The following PIK3C2G variants were observed in gnomAD, a reference collection of about 807,000 sequenced individuals.
PIK3C2G encodes phosphatidylinositol-4-phosphate 3-kinase catalytic subunit type 2 gamma, also known as phosphatidylinositol 3-kinase C2 domain-containing subunit gamma.
PIK3C2G carries 168 observed loss-of-function variants against 181.1 expected under a neutral mutation model. The observed-to-expected ratio is 0.93, with a 90% CI of 0.82 to 1.05. The LOEUF is 1.05. Among genes scored for constraint, PIK3C2G ranks in the 50% least tolerant of loss-of-function variants. PIK3C2G has a pLI of 0.00. For missense variants in PIK3C2G, 1,869 were observed against 1,732.8 expected, an observed-to-expected ratio of 1.08 and a Z score of -1.40; for synonymous variants, 573 against 592.2, an observed-to-expected ratio of 0.97 and a Z score of 0.47.
chr12:18,390,420 T>C (rs1002471057), intron 14 of PIK3C2G, among the ~76,000 whole-genome samples: 5 of 152,152 alleles, frequency 3.3e-5, no homozygotes, highest in African/African-American at 1.2e-4. Flanking sequence ...CTTATTTACA[T>C]AGCCTGGAAC....
intron 10 of PIK3C2G, among the ~76,000 whole-genome samples, chr12:18,344,119 C>G (rs561619641): frequency 6.6e-6 from 1 of 152,044 alleles, no homozygotes; most frequent in Non-Finnish European, 1.5e-5. Flanking sequence ...TGGTCAGGAT[C>G]GTTCTTGGTT....
chr12:18,700,859 T>C, the PIK3C2G span, among the ~76,000 whole-genome samples: 9 of 152,214 alleles, frequency 5.9e-5, no homozygotes, highest in African/African-American at 1.9e-4. Flanking sequence ...TTATGTATTA[T>C]TAATATTGAA....
At chr12:18,392,910 T>C (rs951445060) in intron 15 of PIK3C2G, among the ~76,000 whole-genome samples, 1 of 152,078 alleles carries the variant, frequency 6.6e-6, no homozygotes, top group Admixed American at 6.6e-5. Flanking sequence ...TCTCATAGTC[T>C]TCATGACACA....
At chr12:18,590,521 A>G (rs1947023029) in intron 29 of PIK3C2G, among the ~76,000 whole-genome samples, 1 of 151,918 alleles carries the variant, frequency 6.6e-6, no homozygotes, top group Admixed American at 6.6e-5. Flanking sequence ...GCGGTATCCA[A>G]CCTACACTAC....
intron 18 of PIK3C2G, among the ~76,000 whole-genome samples, chr12:18,435,780 T>G (rs1469348901): frequency 6.6e-6 from 1 of 152,198 alleles, no homozygotes; most frequent in Admixed American, 6.5e-5. Flanking sequence ...TGTTCCCTTG[T>G]CTGTCTATAT....
intron 29 of PIK3C2G, among the ~76,000 whole-genome samples, chr12:18,588,239 A>C (rs116259910): frequency 1.3e-5 from 2 of 152,310 alleles, no homozygotes; most frequent in African/African-American, 4.8e-5. Flanking sequence ...TCAAAAGGAA[A>C]AATTGAGAAA....
chr12:18,561,275 G>A (rs757108573), intron 26 of PIK3C2G, among the ~76,000 whole-genome samples: 11 of 152,042 alleles, frequency 7.2e-5, no homozygotes, highest in Non-Finnish European at 1.0e-4. Context: ...TGTACTATAC[G>A]GTACAGTTCA....
chr12:18,256,860 T>C (rs1404671603), upstream of PIK3C2G, among the ~76,000 whole-genome samples: 5 of 152,080 alleles, frequency 3.3e-5, no homozygotes, highest in Admixed American at 3.3e-4. Context: ...TCATGTTTCA[T>C]TTAAGATTAG....
chr12:18,451,475 G>A (rs1947357358), intron 18 of PIK3C2G, among the ~76,000 whole-genome samples: 1 of 152,070 alleles, frequency 6.6e-6, no homozygotes, highest in Admixed American at 6.6e-5. Context: ...GAAGTTTTTG[G>A]GCTCACACAA....
intron 14 of PIK3C2G, among the ~76,000 whole-genome samples, chr12:18,386,520 A>G (rs191874231): frequency 1.3e-5 from 2 of 152,330 alleles, no homozygotes; most frequent in South Asian, 2.1e-4. Context: ...CATTTCATTT[A>G]AATGGAATCA....
chr12:18,274,363 T>C (rs1471722377), intron 1 of PIK3C2G, among the ~76,000 whole-genome samples: 1 of 152,220 alleles, frequency 6.6e-6, no homozygotes, highest in Non-Finnish European at 1.5e-5. Context: ...TGTATGTTTA[T>C]TGCGGCACTA....
At chr12:18,264,024 A>C (rs997573133) in intron 1 of PIK3C2G, among the ~76,000 whole-genome samples, 2 of 152,126 alleles carry the variant, frequency 1.3e-5, no homozygotes, top group Non-Finnish European at 2.9e-5. Flanking sequence ...CTTCTCACTT[A>C]CGGAACTTCT....
At chr12:18,710,261 A>AT in the PIK3C2G span, among the ~76,000 whole-genome samples, 2 of 149,408 alleles carry the variant, frequency 1.3e-5, no homozygotes, top group East Asian at 2.0e-4. Flanking sequence ...GACTGTCACT[A>AT]TTTTTTTTAA....
chr12:18,563,403 C>A lies in PIK3C2G; in HGVS notation c.3807C>A (p.Ser1269Arg), dbSNP rs780066063. ...TGTATCTGATCCAGGTGACACACAGCAACAACGAAACAAGCCTGACAGAAA... is the reference window on the plus strand; with the variant it reads ...TGTATCTGATCCAGGTGACACACAGAAACAACGAAACAAGCCTGACAGAAA... ...SNLYLIQVTH[S>R]NNETSLTEKS... is the part of the protein sequence containing the mutation. The change falls in exon 28 of 33, where the codon AGC (serine) becomes AGA (arginine). Residue 1269 changes from serine (S) to arginine (R), a missense_variant. By Grantham distance (110) the Ser-to-Arg change is moderately radical. Coordinates refer to ENST00000538779, the MANE Select transcript of PIK3C2G (RefSeq NM_001288772.2). 6.2e-7 allele frequency: 1 copy of A among 1,612,886 alleles called. No homozygotes were observed. The highest frequency in any genetic ancestry group is 1.1e-5 in the South Asian group (1 of 90,900).
At chr12:18,328,844 A>T (rs1591969066) in intron 8 of PIK3C2G, among the ~76,000 whole-genome samples, 2 of 152,072 alleles carry the variant, frequency 1.3e-5, no homozygotes, top group East Asian at 3.9e-4. Context: ...CCAGAAGAAA[A>T]TTTTCACAAA....
At chr12:18,532,547 G>A (rs115807718) in intron 24 of PIK3C2G, among the ~76,000 whole-genome samples, 1 of 150,976 alleles carries the variant, frequency 6.6e-6, no homozygotes, top group Non-Finnish European at 1.5e-5. Context: ...GTGTCTAATT[G>A]TTCCAGTATC....
intron 5 of PIK3C2G, among the ~76,000 whole-genome samples, chr12:18,309,506 C>T (rs1950554057): frequency 6.6e-6 from 1 of 151,712 alleles, no homozygotes; most frequent in African/African-American, 2.4e-5. Context: ...CCACAGTTTG[C>T]CTGTAATTCT....
intron 24 of PIK3C2G, among the ~76,000 whole-genome samples, chr12:18,516,720 C>T (rs1048809487): frequency 2.0e-5 from 3 of 151,896 alleles, no homozygotes; most frequent in African/African-American, 2.4e-5. Flanking sequence ...AGCTCACTGA[C>T]TTTTGTGTGA....
the PIK3C2G span, among the ~76,000 whole-genome samples, chr12:18,710,311 T>C: frequency 6.6e-6 from 1 of 151,342 alleles, no homozygotes; most frequent in Non-Finnish European, 1.5e-5. Flanking sequence ...GAGTTAGCCA[T>C]GCAAATATTT....
Sources: gnomAD v4.1 joint callset for allele counts (sites outside exome capture counted in the v4.1 genomes callset) on GRCh38, gnomAD v4.1.1 for gene constraint, MANE v1.5 for transcripts, NCBI Gene and HGNC (gene_info 2026-07-23, HGNC 2026-07-21) for gene names.